Variants in SGCG observed in about 807,000 individuals in gnomAD.
The protein encoded by SGCG is sarcoglycan gamma, also known as gamma-sarcoglycan.
SGCG carries 26 observed loss-of-function variants against 29.3 expected under a neutral mutation model. The ratio of observed to expected loss-of-function variants is 0.89; its 90% CI spans 0.65 to 1.23. SGCG has a LOEUF of 1.23. Ranked by LOEUF, SGCG falls within the 50% of genes most tolerant of loss-of-function variation. SGCG has a pLI of 0.00. For synonymous variants in SGCG, 145 were observed against 129.7 expected (o/e 1.12, Z -0.80); for missense variants, 353 against 356.0 (o/e 0.99, Z 0.07).
chr13:23,211,158 G>T (rs1878189477), intron 2 of SGCG, among the ~76,000 whole-genome samples: 1 of 152,168 alleles, frequency 6.6e-6, no homozygotes, highest in Non-Finnish European at 1.5e-5. Flanking sequence ...ATGGAAAATT[G>T]CCGATGCCTG....
At chr13:23,314,109 T>TTA (rs1373167829) in intron 6 of SGCG, among the ~76,000 whole-genome samples, 2 of 151,674 alleles carry the variant, frequency 1.3e-5, no homozygotes, top group African/African-American at 4.8e-5. Context: ...AAACTCCCCT[T>TTA]TATATATATC....
At chr13:23,200,762 G>A (rs772592272) in intron 1 of SGCG, among the ~76,000 whole-genome samples, 24 of 152,136 alleles carry the variant, frequency 1.6e-4, no homozygotes, top group East Asian at 1.9e-4. Flanking sequence ...GTTGATAAGC[G>A]ATCTTTGCAC....
chr13:23,225,780 T>TACACACACAC (rs60718653), intron 2 of SGCG, among the ~76,000 whole-genome samples: 3,426 of 148,628 alleles, frequency 0.023, 67 homozygotes, highest in South Asian at 0.054. Flanking sequence ...GGACATGTCA[T>TACACACACAC]ACACACACAC....
At position 23,234,600 on chromosome 13, in the gene SGCG, T is replaced by C. The variant is rs1879238085; in HGVS notation, c.196-11T>C. The C allele has an allele frequency of 7.0e-6, 11 of 1,578,910 alleles. No homozygotes were observed. In the East Asian group the frequency reaches 2.5e-4, roughly 35 times the overall value. ...AAAATATACGCATTGTCTCTTTTTT[T>C]TTTTTAACAGGCAGGAATGGGCCAC... On this transcript the variant is annotated splice_polypyrimidine_tract_variant and intron_variant, in intron 2 of 7. Coordinates refer to ENST00000218867, the MANE Select transcript of SGCG (RefSeq NM_000231.3).
chr13:23,175,306 A>C, the SGCG span, among the ~76,000 whole-genome samples: 1 of 152,172 alleles, frequency 6.6e-6, no homozygotes. Flanking sequence ...TGTAGTGGGG[A>C]AAAGAAGAGA....
chr13:23,318,302 C>T (rs1882910299), intron 6 of SGCG, among the ~76,000 whole-genome samples: 1 of 151,708 alleles, frequency 6.6e-6, no homozygotes, highest in Non-Finnish European at 1.5e-5. Flanking sequence ...TCAAAGTCAA[C>T]TTCCAAGTCT....
intron 1 of SGCG, among the ~76,000 whole-genome samples, chr13:23,191,665 A>G (rs574201262): frequency 8.5e-5 from 13 of 152,326 alleles, no homozygotes; most frequent in Admixed American, 6.5e-4. Flanking sequence ...AGTCTGGTTT[A>G]TAGGATAGCA....
At position 23,196,370 on chromosome 13, in the gene SGCG, C is replaced by T. The variant is rs555766949; in HGVS notation, c.1-7325C>T. On this transcript the variant is annotated intron_variant, in intron 1 of 7. Transcript: ENST00000218867. ...GTTCTTAATACTTAGTGCCCAATATCTTTTGGGGGGGTTATTGTTAACTTT... is the reference window on the plus strand; with the variant it reads ...GTTCTTAATACTTAGTGCCCAATATTTTTTGGGGGGGTTATTGTTAACTTT... Among the ~76,000 whole-genome samples, 38 of 72,188 alleles carry T rather than the reference C, an allele frequency of 5.3e-4. 1 individual carries two copies. The South Asian group carries it at 0.018, about 33-fold the overall frequency. The allele number at this position is 72,188 out of a possible 152,430, so 47.4% of individuals were successfully genotyped here. A position where few individuals can be genotyped will look rare whatever the true frequency, so the allele number is the denominator to read the frequency against.
At chr13:23,322,764 A>ACCCCCCCCCCCCCC (rs1883089987) in intron 7 of SGCG, among the ~76,000 whole-genome samples, 1 of 11,702 alleles carries the variant, frequency 8.5e-5, no homozygotes. Flanking sequence ...CCCCCCACCC[A>ACCCCCCCCCCCCCC]TCCACCTCCC....
chr13:23,316,538 C>T (rs1882818089), intron 6 of SGCG, among the ~76,000 whole-genome samples: 1 of 152,158 alleles, frequency 6.6e-6, no homozygotes, highest in African/African-American at 2.4e-5. Context: ...CAATACTTTG[C>T]AGGGCTGGGG....
chr13:23,224,676 A>ACACACACACACACACC (rs1280270038), intron 2 of SGCG, among the ~76,000 whole-genome samples: 1 of 148,900 alleles, frequency 6.7e-6, no homozygotes, highest in South Asian at 2.2e-4. Flanking sequence ...ACACACACAC[A>ACACACACACACACACC]CACACCCCAC....
At chr13:23,246,682 C>A in intron 3 of SGCG, 1 of 218,140 alleles carries the variant, frequency 4.6e-6, no homozygotes, top group South Asian at 7.9e-5. Flanking sequence ...GAGAAATGGG[C>A]TTGGATTACT....
intron 3 of SGCG, among the ~76,000 whole-genome samples, chr13:23,239,366 T>A (rs950303073): frequency 2.6e-5 from 4 of 152,140 alleles, no homozygotes; most frequent in Non-Finnish European, 5.9e-5. Flanking sequence ...TAGAACTCTT[T>A]ACCTAGCAAA....
the SGCG span, among the ~76,000 whole-genome samples, chr13:23,173,477 A>G: frequency 6.6e-6 from 1 of 152,222 alleles, no homozygotes. Flanking sequence ...AAGATTTTCA[A>G]TGGCCAACAT....
At chr13:23,299,460 T>A (rs1882062774) in intron 6 of SGCG, among the ~76,000 whole-genome samples, 1 of 72,096 alleles carries the variant, frequency 1.4e-5, no homozygotes, top group Non-Finnish European at 2.7e-5. Context: ...ATATATATTT[T>A]TTTTTTTTTT....
At chr13:23,260,549 A>C (rs1880390614) in intron 4 of SGCG, among the ~76,000 whole-genome samples, 1 of 152,178 alleles carries the variant, frequency 6.6e-6, no homozygotes, top group Non-Finnish European at 1.5e-5. Context: ...ATTTACATTT[A>C]AGATTAATAT....
intron 4 of SGCG, among the ~76,000 whole-genome samples, chr13:23,261,356 T>TA (rs1221435362): frequency 6.6e-6 from 1 of 151,950 alleles, no homozygotes; most frequent in African/African-American, 2.4e-5. Context: ...TAGGGAACTA[T>TA]AAAATGCAGT....
chr13:23,285,318 A>T (rs1402190375), intron 5 of SGCG, among the ~76,000 whole-genome samples: 1 of 152,122 alleles, frequency 6.6e-6, no homozygotes, highest in Non-Finnish European at 1.5e-5. Context: ...GAGAGGAGGA[A>T]TCTAGAGAGG....
intron 3 of SGCG, among the ~76,000 whole-genome samples, chr13:23,247,402 A>G (rs2137563408): frequency 6.6e-6 from 1 of 152,276 alleles, no homozygotes; most frequent in South Asian, 2.1e-4. Context: ...GAGGAAGGCT[A>G]AGGTAAACTG....
Sources: allele counts gnomAD v4.1 joint callset (sites outside exome capture counted in the v4.1 genomes callset), GRCh38; gene constraint gnomAD v4.1.1; transcripts MANE v1.5; gene names NCBI Gene and HGNC (gene_info 2026-07-23, HGNC 2026-07-21).